The following LRRC4C variants were observed in gnomAD, a reference collection of about 807,000 sequenced individuals.
LRRC4C encodes the protein leucine rich repeat containing 4C.
A neutral mutation model predicts 33.6 loss-of-function variants in LRRC4C; 5 were observed. That is an observed-to-expected ratio of 0.15 (90% CI 0.08 to 0.31). The LOEUF (loss-of-function observed/expected upper bound fraction) is 0.31. LRRC4C is among the 10% of genes least tolerant of loss of function. LRRC4C has a pLI of 1.00. For synonymous variants in LRRC4C, 329 were observed against 302.0 expected (o/e 1.09, Z -0.93); for missense variants, 560 against 796.7 (o/e 0.70, Z 3.58).
In LRRC4C at chr11:40,803,409, C is replaced by G. The variant is rs143838959; in HGVS notation, c.-407+130226G>C. On this transcript the variant is annotated intron_variant, in intron 2 of 6. Transcript: ENST00000528697. ...CCAAACAAAGAAACATGGCTTAGATCAGTTGTGATTTTTGTGCTAAACCTA... is the reference window on the plus strand; with the variant it reads ...CCAAACAAAGAAACATGGCTTAGATGAGTTGTGATTTTTGTGCTAAACCTA... Among the ~76,000 whole-genome samples the G allele has an allele frequency of 9.9e-5, 15 of 152,244 alleles. No homozygotes were observed. The East Asian group carries it at 2.9e-3, about 29-fold the overall frequency.
chr11:40,770,987 G>A lies in LRRC4C; in HGVS notation c.-406-122709C>T, dbSNP rs556811354. On this transcript the variant is annotated intron_variant, in intron 2 of 6. Transcript: ENST00000528697. ...ACTGGAAGCTGTCAGTGGATCTACC[G>A]TTCTAGGATCTGGAGAATGGTAGCT... Among the ~76,000 whole-genome samples the A allele has an allele frequency of 3.0e-4, 46 of 152,272 alleles. 1 individual carries two copies. The highest frequency in any genetic ancestry group is 8.2e-4 in the African/African-American group (34 of 41,558).
chr11:41,031,014 C>T (rs10768660), intron 1 of LRRC4C, among the ~76,000 whole-genome samples: 110,098 of 151,652 alleles, frequency 0.73, 40,235 homozygotes, highest in South Asian at 0.79. Flanking sequence ...CTGAAGAAAA[C>T]GTAAGACACA....
chr11:40,963,540 C>T (rs751505136), intron 1 of LRRC4C, among the ~76,000 whole-genome samples: 1 of 151,674 alleles, frequency 6.6e-6, no homozygotes, highest in Non-Finnish European at 1.5e-5. Flanking sequence ...GACTGCCTTA[C>T]AATATAGCTC....
At chr11:40,665,693 T>C (rs6485220) in intron 2 of LRRC4C, among the ~76,000 whole-genome samples, 94,501 of 151,618 alleles carry the variant, frequency 0.62, 29,607 homozygotes, top group East Asian at 0.72. Context: ...AATTTTTAAA[T>C]GCTTTTGAGG....
At chr11:41,421,980 C>A (rs1371978852) in intron 1 of LRRC4C, among the ~76,000 whole-genome samples, 1 of 151,982 alleles carries the variant, frequency 6.6e-6, no homozygotes, top group Non-Finnish European at 1.5e-5. Flanking sequence ...TCCTGAAATA[C>A]ATATTCCAAT....
At chr11:41,410,235 C>CTTTTTTTTTTTTTTTTTTTTTTTTTTTT (rs1954411397) in intron 1 of LRRC4C, among the ~76,000 whole-genome samples, 1 of 152,108 alleles carries the variant, frequency 6.6e-6, no homozygotes, top group African/African-American at 2.4e-5. Context: ...AAGCAGAATT[C>CTTTTTTTTTTTTTTTTTTTTTTTTTTTT]TTGTTCAGAT....
intron 1 of LRRC4C, among the ~76,000 whole-genome samples, chr11:40,986,277 G>T (rs1852987572): frequency 6.6e-6 from 1 of 152,104 alleles, no homozygotes. Flanking sequence ...GAGTTTAAAA[G>T]GTGAAAAGTC....
intron 3 of LRRC4C, among the ~76,000 whole-genome samples, chr11:40,433,537 G>A (rs761951563): frequency 6.6e-6 from 1 of 151,832 alleles, no homozygotes; most frequent in Non-Finnish European, 1.5e-5. Flanking sequence ...GAGAGATAGA[G>A]GAAACTGAAA....
intron 1 of LRRC4C, among the ~76,000 whole-genome samples, chr11:41,277,088 C>G (rs1030590886): frequency 6.6e-6 from 1 of 152,124 alleles, no homozygotes; most frequent in South Asian, 2.1e-4. Context: ...ACCACTGTAT[C>G]CACAGCATCT....
At chr11:40,577,753 G>A (rs778223059) in intron 3 of LRRC4C, among the ~76,000 whole-genome samples, 5 of 151,682 alleles carry the variant, frequency 3.3e-5, no homozygotes, top group African/African-American at 1.2e-4. Flanking sequence ...TGCCCGTAAC[G>A]CTGCTATTGA....
At chr11:41,231,415 AC>A (rs1947787757) in intron 1 of LRRC4C, among the ~76,000 whole-genome samples, 1 of 151,810 alleles carries the variant, frequency 6.6e-6, no homozygotes. Flanking sequence ...GCACATATAC[AC>A]CATGGAATAC....
At chr11:41,399,101 C>T (rs891528490) in intron 1 of LRRC4C, among the ~76,000 whole-genome samples, 5 of 151,910 alleles carry the variant, frequency 3.3e-5, no homozygotes, top group Middle Eastern at 3.2e-3. Context: ...AAACTGCCAT[C>T]ACTAGTTTTG....
chr11:40,302,394 G>T (rs2136674568), intron 4 of LRRC4C, among the ~76,000 whole-genome samples: 1 of 151,962 alleles, frequency 6.6e-6, no homozygotes, highest in African/African-American at 2.4e-5. Flanking sequence ...TTTATTTTAG[G>T]GGTTCCATTA....
chr11:40,546,701 T>C (rs1956939232), intron 3 of LRRC4C, among the ~76,000 whole-genome samples: 1 of 152,094 alleles, frequency 6.6e-6, no homozygotes, highest in South Asian at 2.1e-4. Context: ...GGCAAATATA[T>C]ACCACCAATC....
At chr11:41,400,740 T>C (rs1953994606) in intron 1 of LRRC4C, among the ~76,000 whole-genome samples, 1 of 151,896 alleles carries the variant, frequency 6.6e-6, no homozygotes, top group Non-Finnish European at 1.5e-5. Context: ...CTGCCATCAC[T>C]AGTTTTGTGT....
rs1591041673 is a variant in LRRC4C at position 40,538,581 on chromosome 11, C to T, written c.-270+109561G>A. Among the ~76,000 whole-genome samples, 7 of 152,178 alleles carry T rather than the reference C, an allele frequency of 4.6e-5. No homozygotes were observed. In the South Asian group the frequency reaches 1.0e-3, roughly 23 times the overall value. ...AAGTCTTTGCTATTGTGAATAGTGC[C>T]GCAATAAACATACGTGTGCATGTGT... On this transcript the variant is annotated intron_variant, in intron 3 of 6. Coordinates refer to ENST00000528697, the MANE Select transcript of LRRC4C (RefSeq NM_001258419.2).
chr11:41,079,464 A>T (rs913671556), intron 1 of LRRC4C, among the ~76,000 whole-genome samples: 3 of 152,216 alleles, frequency 2.0e-5, no homozygotes, highest in Non-Finnish European at 2.9e-5. Flanking sequence ...CCAATAAATT[A>T]AAAAATCTTT....
intron 3 of LRRC4C, among the ~76,000 whole-genome samples, chr11:40,588,274 G>A (rs1275295698): frequency 2.0e-5 from 3 of 151,158 alleles, no homozygotes; most frequent in East Asian, 1.9e-4. Context: ...AGAGGTGTTT[G>A]TAGTATTCTC....
At chr11:41,366,524 C>T (rs1952550491) in intron 1 of LRRC4C, among the ~76,000 whole-genome samples, 1 of 151,946 alleles carries the variant, frequency 6.6e-6, no homozygotes, top group East Asian at 1.9e-4. Flanking sequence ...CTGCATAATG[C>T]ATTTTAGTTT....
Sources: allele counts gnomAD v4.1 joint callset (sites outside exome capture counted in the v4.1 genomes callset), GRCh38; gene constraint gnomAD v4.1.1; transcripts MANE v1.5; gene names NCBI Gene and HGNC (gene_info 2026-07-23, HGNC 2026-07-21).